RASEF: variants seen among roughly 807,000 people sequenced by gnomAD.
RASEF encodes RAS and EF-hand domain containing.
A neutral mutation model predicts 90.1 loss-of-function variants in RASEF; 68 were observed. That is an observed-to-expected ratio of 0.75 (90% CI 0.62 to 0.92). The LOEUF is 0.92. RASEF is among the 40% of genes least tolerant of loss of function. The pLI is 0.00. For synonymous variants in RASEF, 331 were observed against 345.2 expected, an observed-to-expected ratio of 0.96 and a Z score of 0.46; for missense variants, 949 against 937.2, an observed-to-expected ratio of 1.01 and a Z score of -0.16.
chr9:83,107,978 G>C, the RASEF span, among the ~76,000 whole-genome samples: 3 of 152,136 alleles, frequency 2.0e-5, no homozygotes, highest in African/African-American at 7.2e-5. Flanking sequence ...GACATAAAAA[G>C]TACACACTGG....
intron 1 of RASEF, among the ~76,000 whole-genome samples, chr9:83,031,063 G>C (rs182897209): frequency 2.0e-5 from 3 of 152,304 alleles, no homozygotes; most frequent in Non-Finnish European, 2.9e-5. Flanking sequence ...AGAGCTACCT[G>C]ACCACCTTGA....
the RASEF span, among the ~76,000 whole-genome samples, chr9:83,096,461 T>G: frequency 6.6e-6 from 1 of 152,072 alleles, no homozygotes; most frequent in Admixed American, 6.5e-5. Flanking sequence ...TGCTTACGCA[T>G]GAAAAAGCAC....
the RASEF span, among the ~76,000 whole-genome samples, chr9:83,204,683 GA>G: frequency 2.0e-5 from 3 of 152,082 alleles, no homozygotes; most frequent in Non-Finnish European, 4.4e-5. Flanking sequence ...TTTAATATGA[GA>G]AAAAATTAGC....
intron 1 of RASEF, among the ~76,000 whole-genome samples, chr9:83,047,921 C>G (rs1281733134): frequency 6.6e-6 from 1 of 152,214 alleles, no homozygotes; most frequent in Non-Finnish European, 1.5e-5. Context: ...ACTGGAAATA[C>G]TGTCTCTTTA....
chr9:83,153,742 C>G, the RASEF span, among the ~76,000 whole-genome samples: 2 of 152,172 alleles, frequency 1.3e-5, no homozygotes, highest in East Asian at 1.9e-4. Flanking sequence ...ACCAAGGGAG[C>G]CTTAAGAAGG....
the RASEF span, among the ~76,000 whole-genome samples, chr9:83,112,919 G>A: frequency 6.6e-6 from 1 of 152,086 alleles, no homozygotes; most frequent in African/African-American, 2.4e-5. Flanking sequence ...GTAGAATTAT[G>A]GGCAATTTAA....
intron 2 of RASEF, among the ~76,000 whole-genome samples, chr9:83,023,402 G>A (rs978031625): frequency 6.6e-6 from 1 of 152,084 alleles, no homozygotes; most frequent in Non-Finnish European, 1.5e-5. Context: ...TAAATGACAG[G>A]GCTTAAATAT....
At chr9:83,011,878 A>T (rs991876781) in intron 5 of RASEF, among the ~76,000 whole-genome samples, 1 of 152,200 alleles carries the variant, frequency 6.6e-6, no homozygotes, top group Non-Finnish European at 1.5e-5. Context: ...GGAGAGAAAG[A>T]AATGCAAGCC....
At chr9:82,989,393 C>T (rs1459838475) in intron 16 of RASEF, among the ~76,000 whole-genome samples, 1 of 152,030 alleles carries the variant, frequency 6.6e-6, no homozygotes, top group Admixed American at 6.6e-5. Context: ...AATCTGTTTC[C>T]TCTTGGCCAG....
the RASEF span, among the ~76,000 whole-genome samples, chr9:83,158,510 G>C: frequency 6.7e-6 from 1 of 150,188 alleles, no homozygotes; most frequent in South Asian, 2.1e-4. Flanking sequence ...AATCAGAATA[G>C]ACATTCACAT....
chr9:83,187,737 C>T, the RASEF span, among the ~76,000 whole-genome samples: 1 of 152,074 alleles, frequency 6.6e-6, no homozygotes, highest in African/African-American at 2.4e-5. Context: ...TGAGGGTGCC[C>T]TTCTTCCCTC....
the RASEF span, among the ~76,000 whole-genome samples, chr9:83,198,926 G>T: frequency 6.6e-6 from 1 of 151,960 alleles, no homozygotes; most frequent in African/African-American, 2.4e-5. Flanking sequence ...GACAATGAAA[G>T]AAACAAAAAG....
At chr9:83,136,051 A>G in the RASEF span, among the ~76,000 whole-genome samples, 1 of 152,032 alleles carries the variant, frequency 6.6e-6, no homozygotes, top group Admixed American at 6.6e-5. Context: ...TATATGATAT[A>G]TAGTAGCGGG....
the RASEF span, among the ~76,000 whole-genome samples, chr9:83,137,510 C>A: frequency 1.4e-4 from 22 of 151,918 alleles, no homozygotes; most frequent in East Asian, 4.1e-3. Context: ...TAAATGCTGA[C>A]AAAGAAAGAG....
chr9:83,101,388 A>G, the RASEF span, among the ~76,000 whole-genome samples: 1 of 152,234 alleles, frequency 6.6e-6, no homozygotes, highest in Non-Finnish European at 1.5e-5. Context: ...TGGTAAGCAC[A>G]AGGCAGCCAA....
intron 5 of RASEF, among the ~76,000 whole-genome samples, chr9:83,011,294 C>T (rs896184631): frequency 1.3e-5 from 2 of 152,222 alleles, no homozygotes; most frequent in South Asian, 2.1e-4. Flanking sequence ...GTGGCTCACG[C>T]CTATAATCCC....
chr9:83,138,214 G>A, the RASEF span, among the ~76,000 whole-genome samples: 2 of 152,002 alleles, frequency 1.3e-5, no homozygotes, highest in African/African-American at 2.4e-5. Context: ...AGTTTCAGAT[G>A]GCACTGTTAC....
At chr9:83,076,782 C>A in the RASEF span, among the ~76,000 whole-genome samples, 1 of 152,150 alleles carries the variant, frequency 6.6e-6, no homozygotes, top group Admixed American at 6.5e-5. Flanking sequence ...GCTTGGATTT[C>A]ACAGAGCAAA....
At chr9:83,049,506 G>A in intron 1 of RASEF, among the ~76,000 whole-genome samples, 1 of 142,604 alleles carries the variant, frequency 7.0e-6, no homozygotes, top group East Asian at 2.1e-4. Flanking sequence ...ATGGCTCAAT[G>A]CACAGCCCAC....
Sources: allele counts gnomAD v4.1 joint callset (sites outside exome capture counted in the v4.1 genomes callset), GRCh38; gene constraint gnomAD v4.1.1; transcripts MANE v1.5; gene names NCBI Gene and HGNC (gene_info 2026-07-23, HGNC 2026-07-21).